DPP6: variants seen among roughly 807,000 people sequenced by gnomAD.
DPP6 encodes A-type potassium channel modulatory protein DPP6.
DPP6 carries 69 observed loss-of-function variants against 122.6 expected under a neutral mutation model. That is an observed-to-expected ratio of 0.56 (90% CI 0.46 to 0.69). DPP6 has a LOEUF of 0.69. Among genes scored for constraint, DPP6 ranks in the 30% least tolerant of loss-of-function variants. DPP6 has a pLI of 0.00. For missense variants in DPP6, 928 were observed against 1,116.9 expected (o/e 0.83, Z 2.41); for synonymous variants, 418 against 433.1 (o/e 0.97, Z 0.43).
chr7:154,407,529 T>C (rs1448820330), intron 1 of DPP6, among the ~76,000 whole-genome samples: 3 of 152,230 alleles, frequency 2.0e-5, no homozygotes, highest in African/African-American at 7.2e-5. Context: ...TTTAAAGATA[T>C]TCACCCTTGG....
intron 3 of DPP6, among the ~76,000 whole-genome samples, chr7:154,531,010 G>A (rs938018071): frequency 6.6e-6 from 1 of 152,094 alleles, no homozygotes; most frequent in South Asian, 2.1e-4. Context: ...GAGGCGTTGG[G>A]GGAGGGAGAA....
intron 3 of DPP6, among the ~76,000 whole-genome samples, chr7:154,482,345 GT>G (rs1823381042): frequency 6.6e-6 from 1 of 152,202 alleles, no homozygotes; most frequent in South Asian, 2.1e-4. Flanking sequence ...GAGAAGTTGG[GT>G]TTAACTTATT....
intron 7 of DPP6, among the ~76,000 whole-genome samples, chr7:154,691,403 G>T (rs1237502087): frequency 6.6e-6 from 1 of 152,046 alleles, no homozygotes; most frequent in Non-Finnish European, 1.5e-5. Flanking sequence ...TGGTTTTTTG[G>T]TATTTATTTT....
At chr7:154,254,347 G>T (rs1802530786) in intron 1 of DPP6, among the ~76,000 whole-genome samples, 1 of 152,106 alleles carries the variant, frequency 6.6e-6, no homozygotes, top group Non-Finnish European at 1.5e-5. Flanking sequence ...GAATTTCACT[G>T]TAATAATATG....
At chr7:154,738,546 T>G (rs923659391) in intron 8 of DPP6, among the ~76,000 whole-genome samples, 9 of 152,356 alleles carry the variant, frequency 5.9e-5, no homozygotes, top group Admixed American at 2.0e-4. Context: ...TCCCGGAATA[T>G]TCTTCCGACC....
intron 6 of DPP6, among the ~76,000 whole-genome samples, chr7:154,668,149 C>G (rs1471197367): frequency 7.8e-6 from 1 of 127,570 alleles, no homozygotes; most frequent in Non-Finnish European, 1.7e-5. Context: ...GCCATTCAAC[C>G]ATTTCTTTCT....
At chr7:154,725,039 C>A (rs1477499292) in intron 7 of DPP6, among the ~76,000 whole-genome samples, 1 of 152,210 alleles carries the variant, frequency 6.6e-6, no homozygotes, top group Non-Finnish European at 1.5e-5. Context: ...CAGAACTCCA[C>A]AATCTTCCTA....
chr7:154,307,783 G>A (rs1441652494), intron 1 of DPP6, among the ~76,000 whole-genome samples: 1 of 151,496 alleles, frequency 6.6e-6, no homozygotes, highest in Non-Finnish European at 1.5e-5. Flanking sequence ...TATTTTCCTG[G>A]TTGCTAATGA....
intron 1 of DPP6, among the ~76,000 whole-genome samples, chr7:154,400,014 G>C (rs773219527): frequency 6.6e-6 from 1 of 152,154 alleles, no homozygotes; most frequent in Non-Finnish European, 1.5e-5. Context: ...ACCTTGGAGG[G>C]AGTGCAGGTG....
At chr7:153,829,633 G>A in the DPP6 span, among the ~76,000 whole-genome samples, 2 of 152,060 alleles carry the variant, frequency 1.3e-5, no homozygotes, top group Non-Finnish European at 2.9e-5. Context: ...ACTGTGTGAC[G>A]GGCAGCCTTC....
At chr7:154,302,273 G>C (rs1018688275) in intron 1 of DPP6, among the ~76,000 whole-genome samples, 1 of 152,196 alleles carries the variant, frequency 6.6e-6, no homozygotes, top group South Asian at 2.1e-4. Context: ...AAGTGGAACT[G>C]TGCCGCATTT....
rs1467865041 is a variant in DPP6, at chr7:153,928,395, C to CTTTT, written c.51+40661_51+40662insTTTT. On this transcript the variant is annotated intron_variant, in intron 1 of 25. Transcript: ENST00000404039. ...CCTGGCTAATTTTTTTCTTTTCTTT[C>CTTTT]ATTTTTTTTTTTTTTTTTTTTTTTT... 4.7e-4 allele frequency among the ~76,000 whole-genome samples: 14 copies of CTTTT among 29,998 alleles called. 1 individual carries two copies. The highest frequency in any genetic ancestry group is 1.6e-3 in the African/African-American group (12 of 7,504). 19.7% of individuals were successfully genotyped at this position (29,998 alleles called of 152,430 possible).
intron 1 of DPP6, among the ~76,000 whole-genome samples, chr7:154,278,674 GTAATGT>G (rs1804294643): frequency 6.6e-6 from 1 of 152,178 alleles, no homozygotes; most frequent in Non-Finnish European, 1.5e-5. Context: ...GCTTGCTCTA[GTAATGT>G]TGTAGTGGAA....
chr7:154,405,960 T>A (rs1332050207), intron 1 of DPP6, among the ~76,000 whole-genome samples: 1 of 152,210 alleles, frequency 6.6e-6, no homozygotes, highest in Non-Finnish European at 1.5e-5. Context: ...GAAGAATTAT[T>A]TGAAATGCGA....
At chr7:153,889,554 A>G (rs1320037903) in intron 1 of DPP6, among the ~76,000 whole-genome samples, 1 of 152,180 alleles carries the variant, frequency 6.6e-6, no homozygotes, top group Non-Finnish European at 1.5e-5. Flanking sequence ...AAAGAGCCAA[A>G]TCTTCATATT....
chr7:154,711,047 G>A (rs910303596), intron 7 of DPP6, among the ~76,000 whole-genome samples: 8 of 152,216 alleles, frequency 5.3e-5, no homozygotes, highest in South Asian at 4.1e-4. Context: ...AAGAGAAGCC[G>A]TGGAATAGAG....
chr7:154,419,310 A>G (rs1383353796), intron 1 of DPP6, among the ~76,000 whole-genome samples: 3 of 152,358 alleles, frequency 2.0e-5, no homozygotes, highest in African/African-American at 4.8e-5. Context: ...GTAGAGGCTT[A>G]TCATTTTAGA....
rs1349829230 is a variant in DPP6 at position 153,969,655 on chromosome 7, A to C, written c.51+81921A>C. ...TTCTACTGCTCTCCCTCTCTTTCTT[A>C]AATTTTTCTATACTTTTTTGTGTCC... On this transcript the variant is annotated intron_variant, in intron 1 of 25. Coordinates refer to the DPP6 transcript ENST00000404039. 5.2e-3 allele frequency among the ~76,000 whole-genome samples: 767 copies of C among 147,220 alleles called. 87 individuals carry two copies. Among genetic ancestry groups the C allele is most frequent in the African/African-American group, 0.019 (695 of 36,760 alleles).
intron 3 of DPP6, among the ~76,000 whole-genome samples, chr7:154,493,805 A>G (rs770167989): frequency 6.6e-6 from 1 of 152,228 alleles, no homozygotes; most frequent in East Asian, 1.9e-4. Flanking sequence ...AAACCTCTGT[A>G]TACGGATGCA....
Sources: gnomAD v4.1 joint callset for allele counts (sites outside exome capture counted in the v4.1 genomes callset) on GRCh38, gnomAD v4.1.1 for gene constraint, MANE v1.5 for transcripts, NCBI Gene and HGNC (gene_info 2026-07-23, HGNC 2026-07-21) for gene names.